Variants in KCNQ3 observed in about 807,000 individuals in gnomAD.
KCNQ3 encodes the protein potassium voltage-gated channel subfamily Q member 3.
In KCNQ3, 30 loss-of-function variants were observed where a neutral mutation model predicts 92.5. The observed-to-expected ratio is 0.32, with a 90% confidence interval of 0.24 to 0.44. The LOEUF (loss-of-function observed/expected upper bound fraction) is 0.44, where lower values mean the gene tolerates loss of function less well. Ranked by LOEUF, KCNQ3 falls within the 20% of genes least tolerant of loss-of-function variation. The pLI, the probability that KCNQ3 is intolerant of heterozygous loss-of-function variation, is 1.00. For synonymous variants in KCNQ3, 450 were observed against 468.8 expected, an observed-to-expected ratio of 0.96 and a Z score of 0.52; for missense variants, 913 against 1,140.3, an observed-to-expected ratio of 0.80 and a Z score of 2.87.
intron 1 of KCNQ3, among the ~76,000 whole-genome samples, chr8:132,256,543 C>G (rs1304970022): frequency 6.6e-6 from 1 of 152,072 alleles, no homozygotes; most frequent in Non-Finnish European, 1.5e-5. Flanking sequence ...TGAATCAGAG[C>G]TAGATACCAC....
At chr8:132,217,332 T>G (rs1303564998) in intron 1 of KCNQ3, among the ~76,000 whole-genome samples, 1 of 152,216 alleles carries the variant, frequency 6.6e-6, no homozygotes, top group Non-Finnish European at 1.5e-5. Context: ...ATGTGCAATT[T>G]ACATTTAGTC....
At chr8:132,141,441 G>T (rs1018942074) in intron 9 of KCNQ3, 110 bp from the exon 10 acceptor site, 5 of 964,344 alleles carry the variant, frequency 5.2e-6, no homozygotes, top group Non-Finnish European at 8.1e-6. Context: ...AATGGGGACC[G>T]TGCATTTCAC....
intron 1 of KCNQ3, among the ~76,000 whole-genome samples, chr8:132,474,137 G>C (rs914634703): frequency 6.6e-6 from 1 of 152,186 alleles, no homozygotes; most frequent in East Asian, 1.9e-4. Flanking sequence ...AACAGGCAAA[G>C]AAAGGGGAAT....
chr8:132,218,370 TG>T, intron 1 of KCNQ3, among the ~76,000 whole-genome samples: 1 of 152,344 alleles, frequency 6.6e-6, no homozygotes, highest in South Asian at 2.1e-4. Context: ...CTGGCACATG[TG>T]GGCACACAGT....
Position 132,480,191 on chromosome 8 carries a change from G to A in KCNQ3, c.342C>T (p.Ala114=). 6.2e-7 allele frequency: 1 copy of A among 1,613,212 alleles called. No individual in the cohort carries two copies. The highest frequency in any genetic ancestry group is 8.5e-7 in the Non-Finnish European group (1 of 1,179,502). The change falls in exon 1 of 15, where the codon GCC becomes GCT. Residue 114 remains alanine (A), a synonymous_variant. Coordinates refer to ENST00000388996, the MANE Select transcript of KCNQ3 (RefSeq NM_004519.4). ...GCGCCCAGCCCCGCGGTCTCTCCAG[G>A]GCGTCGTAGATCAAAGTTTGGATGC... ...YRRIQTLIYD[A]LERPRGWALL...
chr8:132,367,675 G>A (rs919689241), intron 1 of KCNQ3, among the ~76,000 whole-genome samples: 1 of 152,236 alleles, frequency 6.6e-6, no homozygotes, highest in Non-Finnish European at 1.5e-5. Flanking sequence ...GGATAAGCTA[G>A]AGGCAGCAGC....
chr8:132,235,711 C>T (rs1412876999), intron 1 of KCNQ3, among the ~76,000 whole-genome samples: 1 of 152,224 alleles, frequency 6.6e-6, no homozygotes, highest in Non-Finnish European at 1.5e-5. Context: ...CCTCCCAGGT[C>T]GGAACGTCTG....
chr8:132,219,039 T>A (rs1424235692), intron 1 of KCNQ3, among the ~76,000 whole-genome samples: 1 of 152,214 alleles, frequency 6.6e-6, no homozygotes, highest in Non-Finnish European at 1.5e-5. Context: ...AGGTGAACAC[T>A]ATGACCTCTG....
chr8:132,473,356 T>A (rs143263305), intron 1 of KCNQ3, among the ~76,000 whole-genome samples: 1 of 152,170 alleles, frequency 6.6e-6, no homozygotes, highest in African/African-American at 2.4e-5. Flanking sequence ...TTTATAGGCA[T>A]GGCTAAGATA....
intron 1 of KCNQ3, among the ~76,000 whole-genome samples, chr8:132,286,183 A>ACAGCCACTAG (rs1816675513): frequency 6.6e-6 from 1 of 152,192 alleles, no homozygotes; most frequent in Non-Finnish European, 1.5e-5. Context: ...GCCCCAGAAT[A>ACAGCCACTAG]CAGCCACTAG....
intron 1 of KCNQ3, among the ~76,000 whole-genome samples, chr8:132,360,041 C>T (rs944650481): frequency 6.6e-6 from 1 of 152,206 alleles, no homozygotes; most frequent in Non-Finnish European, 1.5e-5. Context: ...GTTCTCACTT[C>T]TCCCAGTTAC....
chr8:132,297,870 T>A (rs1817093484), intron 1 of KCNQ3, among the ~76,000 whole-genome samples: 2 of 152,216 alleles, frequency 1.3e-5, no homozygotes, highest in Admixed American at 1.3e-4. Flanking sequence ...TCACAGTGCA[T>A]CTTAAAGGAG....
intron 13 of KCNQ3, among the ~76,000 whole-genome samples, chr8:132,133,082 G>A (rs184093876): frequency 5.3e-5 from 8 of 152,228 alleles, no homozygotes; most frequent in East Asian, 1.9e-4. Flanking sequence ...TGGCCTGCAC[G>A]GGGTTTTAAA....
intron 1 of KCNQ3, among the ~76,000 whole-genome samples, chr8:132,409,610 T>A (rs1820593888): frequency 6.6e-6 from 1 of 152,234 alleles, no homozygotes; most frequent in East Asian, 1.9e-4. Context: ...TCCCTCATCA[T>A]CTACCTTCAC....
In KCNQ3 at chr8:132,128,479, T is replaced by TA. The variant is rs1824740118; in HGVS notation, c.*782dup. 6.6e-6 allele frequency: 1 copy of TA among 151,718 alleles called. No individual in the cohort carries two copies. Among genetic ancestry groups the TA allele is most frequent in the Non-Finnish European group, 1.5e-5 (1 of 68,022 alleles). The allele number at this position is 151,718 out of a possible 1,614,324, so 9.4% of individuals were successfully genotyped here. A position where few individuals can be genotyped will look rare whatever the true frequency, so the allele number is the denominator to read the frequency against. ...ATAAATTCCATTGTCCTTGGCTACA[T>TA]AAATTGGAAACTATTTTAACTTTGT... On this transcript the variant is annotated 3_prime_UTR_variant, in exon 15 of 15. Transcript: ENST00000388996.
Position 132,439,814 on chromosome 8 carries a change from T to G in KCNQ3, c.386+40333A>C, listed in dbSNP as rs1043311119. On this transcript the variant is annotated intron_variant, in intron 1 of 14. Transcript: ENST00000388996. ...CTTGTTTTACCCCAGTGAGACCTATTTTGGACTTCTGACCTTCAGACATGT... is the reference window on the plus strand; with the variant it reads ...CTTGTTTTACCCCAGTGAGACCTATGTTGGACTTCTGACCTTCAGACATGT... Among the ~76,000 whole-genome samples, 18 of 152,296 alleles carry G rather than the reference T, an allele frequency of 1.2e-4. No individual in the cohort carries two copies. In the East Asian group the frequency reaches 3.5e-3, roughly 29 times the overall value.
chr8:132,141,309 G>A lies in KCNQ3; in HGVS notation c.1285C>T (p.Arg429Trp). 6.2e-7 allele frequency: 1 copy of A among 1,614,136 alleles called. No homozygotes were observed. Among genetic ancestry groups the A allele is most frequent in the Non-Finnish European group, 8.5e-7 (1 of 1,180,016 alleles). Residue 429 changes from arginine (R) to tryptophan (W), a missense_variant, in exon 10 of 15, where the codon CGG (arginine) becomes TGG (tryptophan). Arg to Trp is a moderately radical substitution (Grantham distance 101). Coordinates refer to ENST00000388996, the MANE Select transcript of KCNQ3 (RefSeq NM_004519.4). ...CCACGAGGATTAGAAAGGCGAACCC[G>A]ATCCAAGAGACCCAGCTTTTGGCTA... ...ASSQKLGLLD[R>W]VRLSNPRGSN... is the part of the protein sequence containing the mutation.
chr8:132,288,919 T>C (rs1205896076), intron 1 of KCNQ3, among the ~76,000 whole-genome samples: 1 of 152,206 alleles, frequency 6.6e-6, no homozygotes, highest in Non-Finnish European at 1.5e-5. Flanking sequence ...GTATTATTTA[T>C]GCTATCAGAT....
In KCNQ3 at chr8:132,161,751, G is replaced by A. The variant is rs1406277089; in HGVS notation, c.1262+1717C>T. On this transcript the variant is annotated intron_variant, in intron 9 of 14. Coordinates refer to ENST00000388996, the MANE Select transcript of KCNQ3 (RefSeq NM_004519.4). ...AAGAAGCTATTGTAAGGTGGAAAATGCATACCATCAAGTGTGACCCTAATG... is the reference window on the plus strand; with the variant it reads ...AAGAAGCTATTGTAAGGTGGAAAATACATACCATCAAGTGTGACCCTAATG... Among the ~76,000 whole-genome samples, 3 of 152,166 alleles carry A rather than the reference G, an allele frequency of 2.0e-5. No homozygotes were observed. In the East Asian group the frequency reaches 5.8e-4, roughly 29 times the overall value.
Sources: allele counts gnomAD v4.1 joint callset (sites outside exome capture counted in the v4.1 genomes callset), GRCh38; gene constraint gnomAD v4.1.1; transcripts MANE v1.5; gene names NCBI Gene and HGNC (gene_info 2026-07-23, HGNC 2026-07-21).